Variants in ARID2 observed in about 807,000 individuals in gnomAD.
ARID2 encodes AT-rich interactive domain-containing protein 2.
ARID2 carries 32 observed loss-of-function variants against 184.6 expected under a neutral mutation model. That is an observed-to-expected ratio of 0.17 (90% CI 0.13 to 0.23). The LOEUF (loss-of-function observed/expected upper bound fraction) is 0.23, where lower values mean the gene tolerates loss of function less well. Among genes scored for constraint, ARID2 ranks in the 10% least tolerant of loss-of-function variants. The pLI, the probability that ARID2 is intolerant of heterozygous loss-of-function variation, is 1.00. For synonymous variants in ARID2, 836 were observed against 772.6 expected, an observed-to-expected ratio of 1.08 and a Z score of -1.36; for missense variants, 1,696 against 2,197.6, an observed-to-expected ratio of 0.77 and a Z score of 4.56.
intron 3 of ARID2, among the ~76,000 whole-genome samples, chr12:45,797,949 G>A (rs900300537): frequency 6.6e-6 from 1 of 151,902 alleles, no homozygotes; most frequent in African/African-American, 2.4e-5. Context: ...ATAATGTAAA[G>A]GATGGGAAAG....
intron 8 of ARID2, 41 bp downstream of exon 8, chr12:45,837,032 G>A (rs1943231806): frequency 6.3e-7 from 1 of 1,582,708 alleles, no homozygotes; most frequent in Non-Finnish European, 8.6e-7. Context: ...TTTATAGTTA[G>A]CAACATTTAT....
At chr12:45,856,795 TTAG>T (rs1943659306) in intron 15 of ARID2, among the ~76,000 whole-genome samples, 1 of 152,314 alleles carries the variant, frequency 6.6e-6, no homozygotes, top group South Asian at 2.1e-4. Flanking sequence ...ATTTTTATAT[TTAG>T]TATTTAGCTG....
intron 3 of ARID2, among the ~76,000 whole-genome samples, chr12:45,781,887 T>A (rs978345055): frequency 2.0e-5 from 3 of 152,214 alleles, no homozygotes; most frequent in Non-Finnish European, 2.9e-5. Context: ...AATCCTTTTA[T>A]GGTACAGTAT....
rs2138162404 is a variant in ARID2 at position 45,850,485 on chromosome 12, C to G, written c.2362C>G (p.Pro788Ala). The G allele has an allele frequency of 6.2e-7, 1 of 1,613,998 alleles. No homozygotes were observed. Among genetic ancestry groups the G allele is most frequent in the Non-Finnish European group, 8.5e-7 (1 of 1,179,968 alleles). Residue 788 changes from proline (P) to alanine (A), a missense_variant, in exon 15 of 21, where the codon CCT becomes GCT. By Grantham distance (27) the Pro-to-Ala change is conservative. This residue lies in a region of ARID2 where 713 missense variants were observed against 824.4 expected (regional missense o/e 0.86). Transcript: ENST00000334344. ...ACCAGGACAGATCCCTTCAGGCACTCCTGTTACAGTAATTCAACAAGCTGT... is the reference window on the plus strand; with the variant it reads ...ACCAGGACAGATCCCTTCAGGCACTGCTGTTACAGTAATTCAACAAGCTGT... The part of the protein sequence containing the change: ...VVPGQIPSGT[P>A]VTVIQQAVPQ...
chr12:45,742,360 G>A (rs538382449), intron 3 of ARID2, among the ~76,000 whole-genome samples: 1 of 152,258 alleles, frequency 6.6e-6, no homozygotes, highest in East Asian at 1.9e-4. Context: ...TGCTGTATAG[G>A]TATGTAGCTT....
At chr12:45,845,289 A>G (rs1943421844) in intron 11 of ARID2, among the ~76,000 whole-genome samples, 1 of 152,144 alleles carries the variant, frequency 6.6e-6, no homozygotes, top group Non-Finnish European at 1.5e-5. Context: ...AGGCCCTAGA[A>G]AGTATTTTCT....
rs1942033779 is a variant in ARID2, at chr12:45,778,735, CAT to C, written c.285-32679_285-32678del. Among the ~76,000 whole-genome samples the C allele has an allele frequency of 2.6e-5, 4 of 151,766 alleles. No homozygotes were observed. The South Asian group carries it at 8.3e-4, about 31-fold the overall frequency. On this transcript the variant is annotated intron_variant, in intron 3 of 20. Transcript: ENST00000334344. Reference sequence around the variant, plus strand: ...TACATATTAATTATACTTCAAAAATCATATAATATTTTATGTATTAATCTGAA... The same window carrying C: ...TACATATTAATTATACTTCAAAAATCATAATATTTTATGTATTAATCTGAA...
Position 45,905,563 on chromosome 12 carries a change from G to A in ARID2, c.*485G>A, listed in dbSNP as rs1188699762. The A allele has an allele frequency of 4.3e-6, 1 of 233,256 alleles. No individual in the cohort carries two copies. The highest frequency in any genetic ancestry group is 8.5e-6 in the Non-Finnish European group (1 of 117,892). The allele number at this position is 233,256 out of a possible 1,614,324, so 14.4% of individuals were successfully genotyped here. A position where few individuals can be genotyped will look rare whatever the true frequency, so the allele number is the denominator to read the frequency against. ...GCACACCTATACCCCCGATCTCAGA[G>A]GGGGCCACCAATATCTAGCTATGGA... is the stretch of plus-strand genomic sequence containing the variant. On this transcript the variant is annotated 3_prime_UTR_variant, in exon 21 of 21. Coordinates refer to ENST00000334344, the MANE Select transcript of ARID2 (RefSeq NM_152641.4).
intron 6 of ARID2, among the ~76,000 whole-genome samples, chr12:45,828,668 G>A (rs868833179): frequency 2.0e-5 from 3 of 151,992 alleles, no homozygotes; most frequent in Non-Finnish European, 4.4e-5. Flanking sequence ...CAGTGAGTGT[G>A]CATTGTTACT....
chr12:45,734,368 C>CA (rs1206539865), intron 3 of ARID2, among the ~76,000 whole-genome samples: 3 of 151,582 alleles, frequency 2.0e-5, no homozygotes, highest in South Asian at 4.2e-4. Flanking sequence ...GACTCTTTCT[C>CA]AAAAAAATAA....
At position 45,849,562 on chromosome 12, in the gene ARID2, T is replaced by A. The variant is rs2138156163; in HGVS notation, c.1716-18T>A. On this transcript the variant is annotated intron_variant, in intron 13 of 20. Transcript: ENST00000334344. ...GTGATAGTTATCAAAACTTACTGAT[T>A]ATGTATGTACTTTACAGAACGGTCT... 1 of 1,580,456 alleles carries A rather than the reference T, an allele frequency of 6.3e-7. No individual in the cohort carries two copies. The highest frequency in any genetic ancestry group is 1.3e-5 in the African/African-American group (1 of 74,332).
chr12:45,849,861 G>T, intron 14 of ARID2, 85 bp downstream of exon 14: 1 of 1,437,296 alleles, frequency 7.0e-7, no homozygotes, highest in Non-Finnish European at 9.3e-7. Context: ...CATTTTAAAT[G>T]TATAACTTTT....
At chr12:45,870,532 G>A (rs754132787) in intron 16 of ARID2, among the ~76,000 whole-genome samples, 4 of 152,092 alleles carry the variant, frequency 2.6e-5, no homozygotes, top group Non-Finnish European at 5.9e-5. Flanking sequence ...GTAATGTCAT[G>A]TCTCCAACAT....
At chr12:45,819,804 T>A (rs971768219) in intron 5 of ARID2, among the ~76,000 whole-genome samples, 2 of 151,904 alleles carry the variant, frequency 1.3e-5, no homozygotes, top group Non-Finnish European at 2.9e-5. Context: ...AATGCAGTGA[T>A]GCAGTCTTGG....
At chr12:45,855,304 A>T (rs1943626518) in intron 15 of ARID2, among the ~76,000 whole-genome samples, 1 of 152,232 alleles carries the variant, frequency 6.6e-6, no homozygotes, top group South Asian at 2.1e-4. Context: ...AAAAATCTGT[A>T]TTAAACTTTC....
intron 20 of ARID2, 117 bp downstream of exon 20, chr12:45,893,838 T>G: frequency 2.9e-5 from 26 of 896,522 alleles, no homozygotes; most frequent in Non-Finnish European, 4.0e-5. Context: ...ATTTTGCAAA[T>G]ACATCCAAAA....
intron 16 of ARID2, among the ~76,000 whole-genome samples, chr12:45,870,133 C>G (rs1225702865): frequency 1.3e-5 from 2 of 151,774 alleles, no homozygotes; most frequent in Non-Finnish European, 2.9e-5. Context: ...CTACAGGCGC[C>G]CGCCACCATG....
intron 3 of ARID2, among the ~76,000 whole-genome samples, chr12:45,747,354 T>G (rs1220233217): frequency 1.3e-5 from 2 of 152,226 alleles, no homozygotes; most frequent in African/African-American, 4.8e-5. Context: ...GGTATTATCC[T>G]CTTGTAGATC....
At chr12:45,745,324 C>G (rs1941334248) in intron 3 of ARID2, among the ~76,000 whole-genome samples, 1 of 152,094 alleles carries the variant, frequency 6.6e-6, no homozygotes, top group African/African-American at 2.4e-5. Context: ...AGAAGATGGT[C>G]TAGCCCTCTG....
Sources: allele counts gnomAD v4.1 joint callset (sites outside exome capture counted in the v4.1 genomes callset), GRCh38; gene constraint gnomAD v4.1.1; regional missense constraint gnomAD v4.1.1; transcripts MANE v1.5; gene names NCBI Gene and HGNC (gene_info 2026-07-23, HGNC 2026-07-21).